The following COL26A1 variants were observed in gnomAD, a reference collection of about 807,000 sequenced individuals.
COL26A1 encodes the protein collagen type XXVI alpha 1 chain.
A neutral mutation model predicts 59.3 loss-of-function variants in COL26A1; 41 were observed. That is an observed-to-expected ratio of 0.69 (90% CI 0.54 to 0.90). The LOEUF (loss-of-function observed/expected upper bound fraction) is 0.90. COL26A1 is among the 40% of genes least tolerant of loss of function. The pLI is 0.00. For missense variants in COL26A1, 612 were observed against 602.3 expected, an observed-to-expected ratio of 1.02 and a Z score of -0.17; for synonymous variants, 266 against 256.0, an observed-to-expected ratio of 1.04 and a Z score of -0.37.
At chr7:101,462,358 C>T (rs551828366) in intron 3 of COL26A1, among the ~76,000 whole-genome samples, 2 of 151,884 alleles carry the variant, frequency 1.3e-5, no homozygotes, top group African/African-American at 4.8e-5. Flanking sequence ...ACTCTGTCAT[C>T]CAGGCTGGAG....
intron 1 of COL26A1, among the ~76,000 whole-genome samples, chr7:101,409,410 A>G (rs1792195102): frequency 6.6e-6 from 1 of 152,220 alleles, no homozygotes; most frequent in South Asian, 2.1e-4. Flanking sequence ...TCATTCTGTG[A>G]CTTGTGGTCT....
In COL26A1 at chr7:101,420,076, G is replaced by A. The variant is rs189470588; in HGVS notation, c.258G>A (p.Pro86=). 142 of 1,613,254 alleles carry A rather than the reference G, an allele frequency of 8.8e-5. No homozygotes were observed. In the African/African-American group the frequency reaches 1.4e-3, roughly 16 times the overall value. Residue 86 remains proline (P), a synonymous_variant, in exon 2 of 13, where the codon CCG becomes CCA. Coordinates refer to ENST00000313669, the MANE Select transcript of COL26A1 (RefSeq NM_001278563.3). Reference sequence around the variant, plus strand: ...GCGTGTACCAGAGCTGCCGGTGGCCGGGGCCCTGCGCCAACCTCGTAAGGT... The same window carrying A: ...GCGTGTACCAGAGCTGCCGGTGGCCAGGGCCCTGCGCCAACCTCGTAAGGT... ...VQRVYQSCRW[P]GPCANLVSYR... is the part of the protein sequence containing the mutation.
intron 3 of COL26A1, among the ~76,000 whole-genome samples, chr7:101,458,088 C>T (rs62464270): frequency 6.6e-6 from 1 of 151,550 alleles, no homozygotes; most frequent in Non-Finnish European, 1.5e-5. Flanking sequence ...TAGAGATGGG[C>T]TTTCACCATG....
chr7:101,491,737 GT>G (rs1006875005), intron 3 of COL26A1, among the ~76,000 whole-genome samples: 2 of 152,156 alleles, frequency 1.3e-5, no homozygotes, highest in African/African-American at 4.8e-5. Flanking sequence ...CGCCATCTTG[GT>G]TTTGGTGGGT....
Position 101,373,649 on chromosome 7 carries a change from A to G in COL26A1, c.158+10459A>G, listed in dbSNP as rs188206110. Among the ~76,000 whole-genome samples, 7 of 152,294 alleles carry G rather than the reference A, an allele frequency of 4.6e-5. No homozygotes were observed. In the East Asian group the frequency reaches 1.4e-3, roughly 29 times the overall value. ...CGAGGTCCCTTTCTCTGCACAGGCC[A>G]GCTCCTGAAGCTGCTTTTAGGGGAA... On this transcript the variant is annotated intron_variant, in intron 1 of 12. Transcript: ENST00000313669.
At chr7:101,533,245 G>A (rs1795407906) in intron 4 of COL26A1, 102 bp downstream of exon 4, 2 of 880,726 alleles carry the variant, frequency 2.3e-6, no homozygotes, top group African/African-American at 1.7e-5. Context: ...GGAATTCCCA[G>A]CCCCGGGTTT....
At chr7:101,534,738 C>T (rs1057310443) in intron 4 of COL26A1, among the ~76,000 whole-genome samples, 4 of 152,132 alleles carry the variant, frequency 2.6e-5, no homozygotes, top group African/African-American at 9.7e-5. Flanking sequence ...TACCCTTGGC[C>T]CTGACTTCCG....
chr7:101,392,397 CTTTTTTTTTT>C (rs34053990), intron 1 of COL26A1, among the ~76,000 whole-genome samples: 30 of 86,628 alleles, frequency 3.5e-4, no homozygotes, highest in African/African-American at 1.1e-3. Flanking sequence ...AACAACCAGG[CTTTTTTTTTT>C]TTTTTTTTTT....
intron 2 of COL26A1, among the ~76,000 whole-genome samples, chr7:101,440,942 A>G (rs1003702208): frequency 6.6e-6 from 1 of 150,508 alleles, no homozygotes; most frequent in Non-Finnish European, 1.5e-5. Flanking sequence ...GCGCCACTGC[A>G]CTCCAGCCTG....
At chr7:101,415,896 G>A (rs1792360432) in intron 1 of COL26A1, among the ~76,000 whole-genome samples, 2 of 151,794 alleles carry the variant, frequency 1.3e-5, no homozygotes, top group Non-Finnish European at 2.9e-5. Context: ...GCCTTCCAAA[G>A]TGCTGGGATT....
chr7:101,418,314 TCCTAGCTTCAG>T (rs976505186), intron 1 of COL26A1, among the ~76,000 whole-genome samples: 3 of 152,110 alleles, frequency 2.0e-5, no homozygotes, highest in Admixed American at 1.3e-4. Context: ...CCCATGTGGC[TCCTAGCTTCAG>T]CCCCGGTCCT....
intron 5 of COL26A1, among the ~76,000 whole-genome samples, chr7:101,541,885 A>G (rs10270860): frequency 0.52 from 78,712 of 151,932 alleles, 22,462 homozygotes; most frequent in African/African-American, 0.75. Context: ...TTGAAGGCTG[A>G]GGTCTACCAT....
At chr7:101,511,610 A>G (rs1442437463) in intron 3 of COL26A1, among the ~76,000 whole-genome samples, 2 of 152,244 alleles carry the variant, frequency 1.3e-5, no homozygotes, top group Admixed American at 1.3e-4. Context: ...CCCAGGACAT[A>G]GGATTGTCCC....
At chr7:101,554,829 G>A (rs1194929893) in intron 11 of COL26A1, among the ~76,000 whole-genome samples, 2 of 152,096 alleles carry the variant, frequency 1.3e-5, no homozygotes, top group Admixed American at 6.5e-5. Context: ...AGGTCCCTTG[G>A]TCTCCCCTGC....
chr7:101,504,769 T>G (rs1396236981), intron 3 of COL26A1, among the ~76,000 whole-genome samples: 3 of 152,188 alleles, frequency 2.0e-5, no homozygotes, highest in Admixed American at 2.0e-4. Flanking sequence ...TCACCGGCCA[T>G]GAAAGGCCAG....
intron 3 of COL26A1, among the ~76,000 whole-genome samples, chr7:101,522,126 C>T (rs527869021): frequency 6.6e-5 from 10 of 152,182 alleles, no homozygotes; most frequent in Non-Finnish European, 1.2e-4. Flanking sequence ...GAATGAATTT[C>T]GTGCCTGTCT....
intron 5 of COL26A1, among the ~76,000 whole-genome samples, chr7:101,543,054 T>C (rs1365862996): frequency 1.3e-5 from 2 of 152,138 alleles, no homozygotes; most frequent in Non-Finnish European, 2.9e-5. Context: ...AGAGCGCAGG[T>C]GGGGCTCTTC....
intron 4 of COL26A1, among the ~76,000 whole-genome samples, chr7:101,534,479 GAC>G (rs1024406348): frequency 2.0e-4 from 31 of 151,984 alleles, no homozygotes; most frequent in African/African-American, 7.5e-4. Flanking sequence ...TGCATGTGGA[GAC>G]ACACATACAT....
intron 11 of COL26A1, 84 bp downstream of exon 11, chr7:101,553,460 C>T (rs954121233): frequency 1.5e-4 from 207 of 1,401,362 alleles, no homozygotes; most frequent in Non-Finnish European, 1.8e-4. Context: ...CACAGATCTG[C>T]GCTGACCGTC....
Sources: gnomAD v4.1 joint callset for allele counts (sites outside exome capture counted in the v4.1 genomes callset) on GRCh38, gnomAD v4.1.1 for gene constraint, MANE v1.5 for transcripts, NCBI Gene and HGNC (gene_info 2026-07-23, HGNC 2026-07-21) for gene names.